Variants in ELOVL2 observed in about 807,000 individuals in gnomAD.
ELOVL2 encodes the protein very long chain fatty acid elongase 2.
In ELOVL2, 38 loss-of-function variants were observed where a neutral mutation model predicts 37.7. The observed-to-expected ratio is 1.01, with a 90% confidence interval of 0.78 to 1.32. The LOEUF (loss-of-function observed/expected upper bound fraction) is 1.32. ELOVL2 is among the 40% of genes most tolerant of loss of function. The probability of loss-of-function intolerance (pLI) is 0.00; values close to 1 mark genes in which losing one functional copy is unlikely to be tolerated. For missense variants in ELOVL2, 352 were observed against 363.6 expected (o/e 0.97, Z 0.26); for synonymous variants, 115 against 122.3 (o/e 0.94, Z 0.40).
chr6:11,013,044 C>T (rs982547001), intron 1 of ELOVL2, among the ~76,000 whole-genome samples: 1 of 152,066 alleles, frequency 6.6e-6, no homozygotes, highest in African/African-American at 2.4e-5. Flanking sequence ...GAGACATTTT[C>T]CAGATGGAGA....
intron 5 of ELOVL2, 38 bp from the exon 6 acceptor site, chr6:10,990,480 G>C (rs1317859411): frequency 6.5e-7 from 1 of 1,537,136 alleles, no homozygotes; most frequent in Non-Finnish European, 8.7e-7. Flanking sequence ...ATTCTTCCAG[G>C]AAGGACTGTT....
chr6:11,040,681 C>T (rs1305500029), intron 1 of ELOVL2, among the ~76,000 whole-genome samples: 1 of 152,078 alleles, frequency 6.6e-6, no homozygotes, highest in African/African-American at 2.4e-5. Context: ...TGAAGTGTCT[C>T]AACTAAAATA....
intron 1 of ELOVL2, among the ~76,000 whole-genome samples, chr6:11,020,912 G>A (rs985973737): frequency 2.0e-5 from 3 of 152,188 alleles, no homozygotes; most frequent in Non-Finnish European, 4.4e-5. Flanking sequence ...GAGCTCAGTG[G>A]AAGGAAAAGT....
chr6:11,017,414 C>T (rs560832659), intron 1 of ELOVL2, among the ~76,000 whole-genome samples: 12 of 152,238 alleles, frequency 7.9e-5, no homozygotes, highest in East Asian at 7.7e-4. Context: ...ATGATCTCTG[C>T]GGATCTCAAG....
At chr6:11,035,499 C>T (rs1261383492) in intron 1 of ELOVL2, among the ~76,000 whole-genome samples, 3 of 152,218 alleles carry the variant, frequency 2.0e-5, no homozygotes, top group African/African-American at 7.2e-5. Flanking sequence ...ACTGAATTGA[C>T]TGCTGAGTAC....
Position 10,983,094 on chromosome 6 carries a change from CT to C in ELOVL2, c.*686del, listed in dbSNP as rs1239370933. The C allele has an allele frequency of 6.6e-5, 10 of 152,168 alleles. No homozygotes were observed. Among genetic ancestry groups the C allele is most frequent in the Admixed American group, 6.5e-4 (10 of 15,280 alleles). 9.4% of individuals were successfully genotyped at this position (152,168 alleles called of 1,614,324 possible). On this transcript the variant is annotated 3_prime_UTR_variant, in exon 8 of 8. Transcript: ENST00000354666. ...AGAGGAACAATCCTATCCACAGCCC[CT>C]GAATTATGAAAATCTTGCAGAAGCA...
At chr6:11,003,919 TA>T (rs1182943453) in intron 3 of ELOVL2, among the ~76,000 whole-genome samples, 491 of 140,846 alleles carry the variant, frequency 3.5e-3, no homozygotes, top group Middle Eastern at 3.6e-3. Context: ...CCATCTCTAC[TA>T]AAAAAAAAAA....
intron 1 of ELOVL2, among the ~76,000 whole-genome samples, chr6:11,025,057 G>C (rs926799384): frequency 6.6e-5 from 10 of 152,136 alleles, no homozygotes; most frequent in Admixed American, 2.0e-4. Flanking sequence ...AGTGTGCAAT[G>C]GTAGCACAAA....
chr6:10,995,104 C>T lies in ELOVL2; in HGVS notation c.408G>A (p.Arg136=). The stretch of plus-strand genomic sequence containing the variant: ...GAAAAGTAATCTGACTCGTTTTTTT[C>T]CGCAAAACGAAGAAAATTGTGTCCA... ...EFLDTIFFVL[R]KKTSQITFLH... is the part of the protein sequence containing the mutation. The change falls in exon 5 of 8, where the codon CGG becomes CGA. Residue 136 remains arginine (R), a synonymous_variant. Coordinates refer to ENST00000354666, the MANE Select transcript of ELOVL2 (RefSeq NM_017770.4). The T allele has an allele frequency of 6.2e-7, 1 of 1,612,758 alleles. No homozygotes were observed. Among genetic ancestry groups the T allele is most frequent in the Non-Finnish European group, 8.5e-7 (1 of 1,179,126 alleles).
At position 11,013,002 on chromosome 6, in the gene ELOVL2, A is replaced by C. The variant is rs148018260; in HGVS notation, c.4-2193T>G. Among the ~76,000 whole-genome samples the C allele has an allele frequency of 1.2e-4, 18 of 152,364 alleles. No homozygotes were observed. The East Asian group carries it at 1.9e-3, about 16-fold the overall frequency. ...TTAAAAAGTAAAGCCTTCTTGGAAG[A>C]GATAATGCTGTGGCTGAATTTTGAA... is the stretch of plus-strand genomic sequence containing the variant. On this transcript the variant is annotated intron_variant, in intron 1 of 7. Coordinates refer to ENST00000354666, the MANE Select transcript of ELOVL2 (RefSeq NM_017770.4).
intron 1 of ELOVL2, among the ~76,000 whole-genome samples, chr6:11,011,387 A>T (rs1293910357): frequency 6.6e-6 from 1 of 151,936 alleles, no homozygotes; most frequent in Non-Finnish European, 1.5e-5. Flanking sequence ...AGAAAAAAAA[A>T]CATTGAAGGG....
chr6:11,029,645 G>A (rs1782892517), intron 1 of ELOVL2, among the ~76,000 whole-genome samples: 1 of 151,998 alleles, frequency 6.6e-6, no homozygotes, highest in East Asian at 1.9e-4. Context: ...TGTCTCAAGA[G>A]TGATGTCTTT....
chr6:11,042,812 C>T (rs1261889686), intron 1 of ELOVL2, among the ~76,000 whole-genome samples: 3 of 152,134 alleles, frequency 2.0e-5, no homozygotes, highest in Admixed American at 1.3e-4. Context: ...CCCACCTGTG[C>T]ATTAACATAA....
intron 2 of ELOVL2, among the ~76,000 whole-genome samples, chr6:11,007,796 C>A (rs1782505239): frequency 6.6e-6 from 1 of 152,164 alleles, no homozygotes; most frequent in African/African-American, 2.4e-5. Context: ...CCACGTAGTG[C>A]TGAGTTAAGA....
At chr6:11,006,766 A>C (rs1286982766) in intron 2 of ELOVL2, among the ~76,000 whole-genome samples, 2 of 152,232 alleles carry the variant, frequency 1.3e-5, no homozygotes, top group African/African-American at 2.4e-5. Flanking sequence ...TGTGACTAAC[A>C]GATACCACCT....
At chr6:10,999,520 T>G (rs1215775063) in intron 4 of ELOVL2, among the ~76,000 whole-genome samples, 1 of 151,852 alleles carries the variant, frequency 6.6e-6, no homozygotes, top group Admixed American at 6.6e-5. Flanking sequence ...GGACTACAGG[T>G]GCCCACCACC....
At position 10,981,044 on chromosome 6, in the gene ELOVL2, AAAT is replaced by A. The variant is rs1781925055; in HGVS notation, c.*2734_*2736del. The A allele has an allele frequency of 3.9e-5, 6 of 152,412 alleles. No individual in the cohort carries two copies. The South Asian group carries it at 1.2e-3, about 32-fold the overall frequency. The allele number at this position is 152,412 out of a possible 1,614,324, so 9.4% of individuals were successfully genotyped here. On this transcript the variant is annotated 3_prime_UTR_variant, in exon 8 of 8. Coordinates refer to ENST00000354666, the MANE Select transcript of ELOVL2 (RefSeq NM_017770.4). ...TAAACACTGTTTTGCCTTAAAATAA[AAAT>A]AATAAAATATTTCTCAAATGCAGGG...
rs769690398 is a variant in ELOVL2 at position 10,983,877 on chromosome 6, A to C, written c.795T>G (p.Asp265Glu). 3.1e-6 allele frequency: 5 copies of C among 1,613,474 alleles called. No homozygotes were observed. In the South Asian group the frequency reaches 5.5e-5, roughly 18 times the overall value. Residue 265 changes from aspartate to glutamate, a missense_variant, in exon 8 of 8, where the codon GAT becomes GAG. By Grantham distance (45) the Asp-to-Glu change is conservative (BLOSUM62 2). Transcript: ENST00000354666. ...CTTTCCCTGCAGGTGGCTCTTGCAT[A>C]TCTTTCTTCATTGGCTTTTTTCGGT... is the stretch of plus-strand genomic sequence containing the variant. ...QTYRKKPMKK[D>E]MQEPPAGKEV...
intron 1 of ELOVL2, among the ~76,000 whole-genome samples, chr6:11,022,249 G>C (rs1411810369): frequency 6.6e-6 from 1 of 152,212 alleles, no homozygotes. Context: ...GTTGTGTCCA[G>C]CTAGACAAGA....
Sources: gnomAD v4.1 joint callset for allele counts (sites outside exome capture counted in the v4.1 genomes callset) on GRCh38, gnomAD v4.1.1 for gene constraint, MANE v1.5 for transcripts, NCBI Gene and HGNC (gene_info 2026-07-23, HGNC 2026-07-21) for gene names.